The following PKHD1 variants were observed in gnomAD, a reference collection of about 807,000 sequenced individuals.
PKHD1 encodes fibrocystin.
In PKHD1, 291 loss-of-function variants were observed where a neutral mutation model predicts 412.0. The observed-to-expected ratio is 0.71, with a 90% confidence interval of 0.64 to 0.78. The LOEUF is 0.78. PKHD1 is among the 30% of genes least tolerant of loss of function. The pLI is 0.00. For synonymous variants in PKHD1, 1,777 were observed against 1,821.5 expected (o/e 0.98, Z 0.62); for missense variants, 4,825 against 4,950.7 (o/e 0.97, Z 0.76).
Position 51,647,545 on chromosome 6 carries a change from G to C in PKHD1, c.11398+486C>G, listed in dbSNP as rs369232413. The stretch of plus-strand genomic sequence containing the variant: ...GAAAAACTAGCTAAGGGCTGCTATG[G>C]GTCAGGTGCTTTTGCACTTATCATC... On this transcript the variant is annotated intron_variant, in intron 63 of 66. Coordinates refer to ENST00000371117, the MANE Select transcript of PKHD1 (RefSeq NM_138694.4). 2.4e-4 allele frequency among the ~76,000 whole-genome samples: 36 copies of C among 152,244 alleles called. 1 individual carries two copies. The South Asian group carries it at 7.5e-3, about 32-fold the overall frequency.
chr6:51,718,231 T>C (rs1395799577), intron 60 of PKHD1, among the ~76,000 whole-genome samples: 1 of 152,224 alleles, frequency 6.6e-6, no homozygotes, highest in Non-Finnish European at 1.5e-5. Flanking sequence ...CTTCAAATCA[T>C]GCCCTGTGGA....
chr6:52,006,596 C>T (rs113472379), intron 35 of PKHD1, among the ~76,000 whole-genome samples: 7,953 of 152,152 alleles, frequency 0.052, 283 homozygotes, highest in East Asian at 0.11. Context: ...AGGCTTGTCT[C>T]GAACTCCTGA....
intron 46 of PKHD1, among the ~76,000 whole-genome samples, chr6:51,872,899 T>TTTTC (rs61420007): frequency 1.9e-4 from 17 of 91,346 alleles, no homozygotes; most frequent in Admixed American, 5.6e-4. Flanking sequence ...TTTTTTTTTT[T>TTTTC]CAGAAAGTTA....
intron 20 of PKHD1, 54 bp from the exon 21 acceptor site, chr6:52,053,305 T>A: frequency 6.3e-7 from 1 of 1,577,514 alleles, no homozygotes; most frequent in Non-Finnish European, 8.7e-7. Context: ...TGCAGTCCTC[T>A]CCGGTTAGAG....
At chr6:51,824,797 G>C (rs1315301046) in intron 52 of PKHD1, among the ~76,000 whole-genome samples, 2 of 152,030 alleles carry the variant, frequency 1.3e-5, no homozygotes, top group Non-Finnish European at 2.9e-5. Context: ...TCTAAGAAGA[G>C]GCTCTGGTCA....
chr6:51,740,856 A>G (rs555185659), intron 60 of PKHD1, among the ~76,000 whole-genome samples: 16 of 152,354 alleles, frequency 1.1e-4, no homozygotes, highest in African/African-American at 3.6e-4. Flanking sequence ...TTGTATTTTT[A>G]GTGCAGTAAA....
intron 55 of PKHD1, among the ~76,000 whole-genome samples, 160 bp downstream of exon 55, chr6:51,772,542 G>C (rs930710895): frequency 6.6e-6 from 1 of 151,738 alleles, no homozygotes; most frequent in African/African-American, 2.4e-5. Flanking sequence ...ATGTTATAGA[G>C]ATATTTTTTA....
chr6:51,886,016 C>G (rs1778154849), intron 44 of PKHD1, 44 bp from the exon 45 acceptor site: 1 of 1,122,874 alleles, frequency 8.9e-7, no homozygotes, highest in Admixed American at 1.7e-5. Flanking sequence ...TTTTATGTTT[C>G]TAACTTTCTA....
In PKHD1 at chr6:51,656,421, A is replaced by C. The variant is rs138543424; in HGVS notation, c.11174+2531T>G. ...GGCTGAAAACCTAGATGGCAGGTTG[A>C]TAGGTGCAGCAAACCACCATGCCAC... On this transcript the variant is annotated intron_variant, in intron 61 of 66. Transcript: ENST00000371117. 3.7e-3 allele frequency among the ~76,000 whole-genome samples: 566 copies of C among 152,208 alleles called. 3 individuals are homozygous for C. The highest frequency in any genetic ancestry group is 0.013 in the African/African-American group (547 of 41,552).
chr6:51,999,351 G>A (rs1266805411), intron 35 of PKHD1, among the ~76,000 whole-genome samples: 2 of 152,028 alleles, frequency 1.3e-5, no homozygotes, highest in Non-Finnish European at 2.9e-5. Context: ...TGAGACACAG[G>A]AGTTTTTGTT....
intron 27 of PKHD1, among the ~76,000 whole-genome samples, chr6:52,040,745 A>G (rs1263593060): frequency 3.3e-5 from 5 of 151,880 alleles, no homozygotes; most frequent in Non-Finnish European, 5.9e-5. Context: ...CTTCACCCAT[A>G]TCTCCCTTCT....
At chr6:51,729,787 C>G (rs1003872307) in intron 60 of PKHD1, among the ~76,000 whole-genome samples, 1 of 152,100 alleles carries the variant, frequency 6.6e-6, no homozygotes, top group African/African-American at 2.4e-5. Flanking sequence ...GTCATTATTG[C>G]CTTAGAAGTG....
In PKHD1 at chr6:52,080,024, G is replaced by A; in HGVS notation, c.282-16C>T. On this transcript the variant is annotated splice_polypyrimidine_tract_variant and intron_variant, in intron 4 of 66. Transcript: ENST00000371117. ...CAGCACAGATCTGAGGACAGAAAGTGGAAATCCTTATGAATCAAAAACCAT... is the reference window on the plus strand; with the variant it reads ...CAGCACAGATCTGAGGACAGAAAGTAGAAATCCTTATGAATCAAAAACCAT... 1 of 1,466,962 alleles carries A rather than the reference G, an allele frequency of 6.8e-7. No homozygotes were observed. The allele number at this position is 1,466,962 out of a possible 1,614,324, so 90.9% of individuals were successfully genotyped here.
chr6:51,897,776 G>C (rs1406024291), intron 43 of PKHD1, among the ~76,000 whole-genome samples: 13 of 143,014 alleles, frequency 9.1e-5, no homozygotes, highest in Non-Finnish European at 7.6e-5. Context: ...CCCATCTCAT[G>C]TGCAGAGACA....
intron 57 of PKHD1, among the ~76,000 whole-genome samples, chr6:51,750,566 C>T (rs946967083): frequency 5.9e-5 from 9 of 152,034 alleles, no homozygotes; most frequent in Middle Eastern, 3.4e-3. Flanking sequence ...TCCCCGGGTG[C>T]GCCACCTTAG....
At chr6:52,073,930 A>G (rs1010135728) in intron 6 of PKHD1, among the ~76,000 whole-genome samples, 1 of 152,124 alleles carries the variant, frequency 6.6e-6, no homozygotes, top group African/African-American at 2.4e-5. Context: ...TTTAAGGACA[A>G]TGTGCCTTGG....
chr6:51,702,365 G>A (rs1779551811), intron 60 of PKHD1, among the ~76,000 whole-genome samples: 1 of 151,552 alleles, frequency 6.6e-6, no homozygotes, highest in Non-Finnish European at 1.5e-5. Context: ...TCACTCATAA[G>A]TGGGAGCTAA....
At chr6:51,915,247 A>G (rs1424866633) in intron 37 of PKHD1, among the ~76,000 whole-genome samples, 3 of 152,094 alleles carry the variant, frequency 2.0e-5, no homozygotes, top group African/African-American at 7.2e-5. Flanking sequence ...AGATTCTCTC[A>G]CCAACTCACT....
intron 35 of PKHD1, among the ~76,000 whole-genome samples, chr6:51,998,485 C>T (rs1797967039): frequency 6.6e-6 from 1 of 152,216 alleles, no homozygotes; most frequent in East Asian, 1.9e-4. Flanking sequence ...GTTACTAGCA[C>T]TTAACTGGAA....
Sources: gnomAD v4.1 joint callset for allele counts (sites outside exome capture counted in the v4.1 genomes callset) on GRCh38, gnomAD v4.1.1 for gene constraint, MANE v1.5 for transcripts, NCBI Gene and HGNC (gene_info 2026-07-23, HGNC 2026-07-21) for gene names.